The following CD200R1L variants were observed in gnomAD, a reference collection of about 807,000 sequenced individuals.
The protein encoded by CD200R1L is CD200 receptor 1 like, also known as cell surface glycoprotein CD200 receptor 2.
CD200R1L carries 14 observed loss-of-function variants against 24.8 expected under a neutral mutation model. The ratio of observed to expected loss-of-function variants is 0.56; its 90% confidence interval spans 0.37 to 0.88. The LOEUF (loss-of-function observed/expected upper bound fraction) is 0.88. Ranked by LOEUF, CD200R1L falls within the 40% of genes least tolerant of loss-of-function variation. The pLI is 0.00. For synonymous variants in CD200R1L, 111 were observed against 109.2 expected (o/e 1.02, Z -0.11); for missense variants, 299 against 297.8 (o/e 1.00, Z -0.03).
At chr3:112,819,750 C>T in intron 7 of CD200R1L, 22 bp downstream of exon 7, 15 of 1,577,196 alleles carry the variant, frequency 9.5e-6, no homozygotes, top group Admixed American at 2.0e-5. Flanking sequence ...GTGTCTTATG[C>T]TTTTCAGTCT....
chr3:112,835,520 G>T (rs1248621901), intron 3 of CD200R1L, among the ~76,000 whole-genome samples: 1 of 152,234 alleles, frequency 6.6e-6, no homozygotes, highest in Non-Finnish European at 1.5e-5. Context: ...CCATAGGTGG[G>T]CTCAGAAAAA....
Position 112,845,727 on chromosome 3 carries a change from T to C in CD200R1L, c.-135A>G. ...ATCAGTAATCTTGGAGCTGACATCT[T>C]CCCTAAAGTATGCTTTTGGAGTGGT... On this transcript the variant is annotated 5_prime_UTR_variant, in exon 2 of 8. Coordinates refer to ENST00000488794, the MANE Select transcript of CD200R1L (RefSeq NM_001199215.3). 6.2e-7 allele frequency: 1 copy of C among 1,612,790 alleles called. No individual in the cohort carries two copies. Among genetic ancestry groups the C allele is most frequent in the Non-Finnish European group, 8.5e-7 (1 of 1,179,084 alleles).
At chr3:112,830,950 T>C (rs1274216075) in intron 3 of CD200R1L, among the ~76,000 whole-genome samples, 1 of 151,886 alleles carries the variant, frequency 6.6e-6, no homozygotes, top group Non-Finnish European at 1.5e-5. Context: ...AGGAGTATAA[T>C]TGGACCAGCT....
intron 6 of CD200R1L, among the ~76,000 whole-genome samples, chr3:112,824,738 A>G (rs1938616680): frequency 6.6e-6 from 1 of 152,222 alleles, no homozygotes; most frequent in South Asian, 2.1e-4. Flanking sequence ...CAAGCAGTCA[A>G]TTACAGGGCT....
chr3:112,845,709 A>C lies in CD200R1L; in HGVS notation c.-117T>G, dbSNP rs1939186145. The C allele has an allele frequency of 6.2e-7, 1 of 1,613,476 alleles. No individual in the cohort carries two copies. Among genetic ancestry groups the C allele is most frequent in the East Asian group, 2.2e-5 (1 of 44,836 alleles). Reference sequence around the variant, plus strand: ...ACCATGATAATGATGGAAATCAGTAATCTTGGAGCTGACATCTTCCCTAAA... The same window carrying C: ...ACCATGATAATGATGGAAATCAGTACTCTTGGAGCTGACATCTTCCCTAAA... On this transcript the variant is annotated 5_prime_UTR_variant, in exon 2 of 8. Transcript: ENST00000488794.
In CD200R1L at chr3:112,829,320, T is replaced by C. The variant is rs150159924; in HGVS notation, c.48A>G (p.Glu16=). Residue 16 remains glutamate, a splice_region_variant and synonymous_variant, in exon 4 of 8, where the codon GAA becomes GAG. Transcript: ENST00000488794. ...MTQNYSTIFA[E]GNISQPVLMD... is the part of the protein sequence containing the mutation. ...GCCACTACTAAGGGAGCATATTACC[T>C]TCTGCAAAAATTGTTGAATAGTTCT... 65 of 1,613,206 alleles carry C rather than the reference T, an allele frequency of 4.0e-5. No homozygotes were observed. In the African/African-American group the frequency reaches 6.7e-4, roughly 17 times the overall value.
intron 7 of CD200R1L, among the ~76,000 whole-genome samples, chr3:112,816,835 T>C (rs1225928424): frequency 6.6e-6 from 1 of 152,150 alleles, no homozygotes; most frequent in Non-Finnish European, 1.5e-5. Flanking sequence ...GTTCTCATGG[T>C]AGTGAATAAG....
intron 7 of CD200R1L, among the ~76,000 whole-genome samples, chr3:112,818,118 G>C (rs1180009896): frequency 2.0e-5 from 3 of 152,206 alleles, no homozygotes; most frequent in African/African-American, 7.2e-5. Context: ...AATTCAAGTT[G>C]AGATTTTTGT....
At chr3:112,832,734 T>C (rs1938832034) in intron 3 of CD200R1L, among the ~76,000 whole-genome samples, 1 of 152,238 alleles carries the variant, frequency 6.6e-6, no homozygotes, top group Non-Finnish European at 1.5e-5. Flanking sequence ...TATGTGGTTA[T>C]TGATCTGGTA....
chr3:112,831,679 G>C (rs1938803831), intron 3 of CD200R1L, among the ~76,000 whole-genome samples: 1 of 152,210 alleles, frequency 6.6e-6, no homozygotes, highest in African/African-American at 2.4e-5. Context: ...AAAATTGGAG[G>C]TATGCTGCAC....
At chr3:112,841,886 C>T (rs1316033389) in intron 2 of CD200R1L, among the ~76,000 whole-genome samples, 2 of 152,166 alleles carry the variant, frequency 1.3e-5, no homozygotes, top group Admixed American at 6.5e-5. Context: ...AGATCTGTGG[C>T]CTAAGTTCAA....
intron 6 of CD200R1L, 84 bp downstream of exon 6, chr3:112,826,909 A>G (rs1938667956): frequency 6.8e-7 from 1 of 1,468,556 alleles, no homozygotes; most frequent in Admixed American, 2.4e-5. Context: ...AAATTTTCTT[A>G]CCTGCTGTTT....
Position 112,826,892 on chromosome 3 carries a change from G to T in CD200R1L, c.616+101C>A, listed in dbSNP as rs1020584036. On this transcript the variant is annotated intron_variant, in intron 6 of 7. Coordinates refer to ENST00000488794, the MANE Select transcript of CD200R1L (RefSeq NM_001199215.3). ...AGTTTGAGAGAATATTTTCAAGCTA[G>T]GAGCTCAAATTTTCTTACCTGCTGT... is the stretch of plus-strand genomic sequence containing the variant. 2.2e-5 allele frequency: 29 copies of T among 1,339,058 alleles called. No individual in the cohort carries two copies. The African/African-American group carries it at 3.7e-4, about 17-fold the overall frequency. 82.9% of individuals were successfully genotyped at this position (1,339,058 alleles called of 1,614,324 possible). A position where few individuals can be genotyped will look rare whatever the true frequency, so the allele number is the denominator to read the frequency against.
intron 2 of CD200R1L, 125 bp from the exon 3 acceptor site, chr3:112,838,135 T>G (rs1939000541): frequency 3.2e-6 from 1 of 314,058 alleles, no homozygotes; most frequent in Non-Finnish European, 5.7e-6. Context: ...CTTAAATTAA[T>G]TAATAATCAC....
intron 3 of CD200R1L, among the ~76,000 whole-genome samples, chr3:112,830,619 G>A (rs894759203): frequency 6.7e-6 from 1 of 149,506 alleles, no homozygotes; most frequent in Admixed American, 6.8e-5. Flanking sequence ...TCAATAGGAT[G>A]GGATGGCAAC....
intron 6 of CD200R1L, among the ~76,000 whole-genome samples, chr3:112,824,740 T>C (rs1289105817): frequency 6.6e-6 from 1 of 152,154 alleles, no homozygotes; most frequent in African/African-American, 2.4e-5. Context: ...AGCAGTCAAT[T>C]ACAGGGCTAT....
Position 112,815,861 on chromosome 3 carries a change from C to T in CD200R1L, c.*102G>A. 1 of 746,636 alleles carries T rather than the reference C, an allele frequency of 1.3e-6. No individual in the cohort carries two copies. The highest frequency in any genetic ancestry group is 1.5e-5 in the South Asian group (1 of 68,214). 46.3% of individuals were successfully genotyped at this position (746,636 alleles called of 1,614,324 possible). On this transcript the variant is annotated 3_prime_UTR_variant, in exon 8 of 8. Transcript: ENST00000488794. ...CCTACTGAGTGGCTTCTATCCTTAA[C>T]ATCATCCATGGCCCAAGTTCACTGC...
intron 2 of CD200R1L, among the ~76,000 whole-genome samples, chr3:112,841,605 C>T (rs1224535785): frequency 6.6e-6 from 1 of 152,162 alleles, no homozygotes; most frequent in Non-Finnish European, 1.5e-5. Context: ...GCCAGGCTGG[C>T]AGAAGGAAAG....
intron 4 of CD200R1L, 69 bp downstream of exon 4, chr3:112,829,243 GGCCATCA>G (rs1938738814): frequency 8.6e-7 from 1 of 1,161,780 alleles, no homozygotes; most frequent in African/African-American, 1.5e-5. Flanking sequence ...CCTCCAGCCA[GGCCATCA>G]GCTAATGATT....
Sources: gnomAD v4.1 joint callset for allele counts (sites outside exome capture counted in the v4.1 genomes callset) on GRCh38, gnomAD v4.1.1 for gene constraint, MANE v1.5 for transcripts, NCBI Gene and HGNC (gene_info 2026-07-23, HGNC 2026-07-21) for gene names.